WWOX: variants seen among roughly 807,000 people sequenced by gnomAD.
WWOX encodes the protein WW domain-containing oxidoreductase.
A neutral mutation model predicts 46.2 loss-of-function variants in WWOX; 69 were observed. That is an observed-to-expected ratio of 1.49 (90% confidence interval 1.23 to 1.82). The LOEUF is 1.82. Among genes scored for constraint, WWOX ranks in the 40% most tolerant of loss-of-function variants. WWOX has a pLI of 0.00. For synonymous variants in WWOX, 359 were observed against 202.6 expected (o/e 1.77, Z -6.56); for missense variants, 919 against 542.6 (o/e 1.69, Z -6.89).
chr16:78,370,496 T>C lies in WWOX; in HGVS notation c.517-16364T>C, dbSNP rs1321967926. On this transcript the variant is annotated intron_variant, in intron 5 of 8. Coordinates refer to ENST00000566780, the MANE Select transcript of WWOX (RefSeq NM_016373.4). ...ACGTATGCTGGGGGTATCTACGATG[T>C]TTTTTTTTTTGATTTTTTTATGTCA... Among the ~76,000 whole-genome samples the C allele has an allele frequency of 6.1e-3, 8 of 1,322 alleles. No homozygotes were observed. The African/African-American group carries it at 0.17, about 28-fold the overall frequency. The allele number at this position is 1,322 out of a possible 152,430, so 0.9% of individuals were successfully genotyped here.
At chr16:78,496,548 G>A (rs1184910933) in intron 8 of WWOX, 1 of 152,198 alleles carries the variant, frequency 6.6e-6, no homozygotes, top group Non-Finnish European at 1.5e-5. Flanking sequence ...ACCATTCTAT[G>A]ACCATTGAAT....
chr16:78,720,665 C>G (rs1035269331), intron 8 of WWOX, among the ~76,000 whole-genome samples: 3 of 151,932 alleles, frequency 2.0e-5, no homozygotes, highest in African/African-American at 7.3e-5. Context: ...GAGGCTCTGA[C>G]TATATAACAG....
intron 8 of WWOX, among the ~76,000 whole-genome samples, chr16:78,565,532 T>C (rs1019501278): frequency 7.9e-5 from 12 of 152,234 alleles, no homozygotes; most frequent in Non-Finnish European, 1.5e-4. Flanking sequence ...CACTCTCTTA[T>C]AAGGACCCTT....
intron 7 of WWOX, among the ~76,000 whole-genome samples, chr16:78,429,555 G>C (rs897788820): frequency 6.6e-6 from 1 of 152,112 alleles, no homozygotes; most frequent in African/African-American, 2.4e-5. Flanking sequence ...GAGAGAGGGA[G>C]GGGGTGGTGC....
chr16:78,220,160 G>C (rs2036842850), intron 5 of WWOX, among the ~76,000 whole-genome samples: 2 of 152,130 alleles, frequency 1.3e-5, no homozygotes, highest in African/African-American at 2.4e-5. Flanking sequence ...GTGGTGTCTA[G>C]AACATGTTGG....
chr16:78,784,026 GATA>G (rs1423585014), intron 8 of WWOX, among the ~76,000 whole-genome samples: 5 of 152,062 alleles, frequency 3.3e-5, no homozygotes, highest in African/African-American at 7.2e-5. Context: ...TGATGTTGAT[GATA>G]ATGATGATGA....
chr16:78,523,095 TA>T (rs1169033011), intron 8 of WWOX, among the ~76,000 whole-genome samples: 2 of 151,882 alleles, frequency 1.3e-5, no homozygotes, highest in South Asian at 2.1e-4. Flanking sequence ...AAATAAAAAT[TA>T]AAAAACCTAA....
intron 8 of WWOX, among the ~76,000 whole-genome samples, chr16:78,683,933 G>T (rs2047793435): frequency 6.6e-6 from 1 of 152,196 alleles, no homozygotes; most frequent in Non-Finnish European, 1.5e-5. Flanking sequence ...TTGGCAAGCT[G>T]AGGAAAGGAG....
At chr16:78,805,007 G>A (rs867803291) in intron 8 of WWOX, among the ~76,000 whole-genome samples, 20 of 152,198 alleles carry the variant, frequency 1.3e-4, no homozygotes, top group African/African-American at 3.1e-4. Context: ...TATTTGGGAA[G>A]CTTTGCATGA....
rs186092726 is a variant in WWOX at position 78,952,857 on chromosome 16, A to C, written c.1057-258751A>C. 7.2e-5 allele frequency among the ~76,000 whole-genome samples: 11 copies of C among 152,326 alleles called. No homozygotes were observed. The East Asian group carries it at 2.1e-3, about 29-fold the overall frequency. On this transcript the variant is annotated intron_variant, in intron 8 of 8. Coordinates refer to ENST00000566780, the MANE Select transcript of WWOX (RefSeq NM_016373.4). ...GAGTACGTGAATAAATCTGCGCTTT[A>C]GAGGCACTTGCTCAGGCTTGTGGAA...
chr16:78,827,029 C>T (rs1398290155), intron 8 of WWOX, among the ~76,000 whole-genome samples: 1 of 152,122 alleles, frequency 6.6e-6, no homozygotes, highest in South Asian at 2.1e-4. Context: ...TTCCTGCCCC[C>T]ACATGTTATA....
chr16:78,512,166 G>A (rs891229194), intron 8 of WWOX, among the ~76,000 whole-genome samples: 1 of 152,116 alleles, frequency 6.6e-6, no homozygotes, highest in Non-Finnish European at 1.5e-5. Flanking sequence ...CAGCCCTGTG[G>A]TGTTTCCTCA....
At chr16:78,946,969 G>A (rs748953815) in intron 8 of WWOX, among the ~76,000 whole-genome samples, 6 of 152,208 alleles carry the variant, frequency 3.9e-5, no homozygotes, top group African/African-American at 7.2e-5. Context: ...GGTATCGCAC[G>A]CAGGCATTAA....
At chr16:79,040,229 C>G (rs1352675865) in intron 8 of WWOX, among the ~76,000 whole-genome samples, 2 of 151,298 alleles carry the variant, frequency 1.3e-5, no homozygotes, top group East Asian at 1.9e-4. Flanking sequence ...CTCAAAGAGC[C>G]AAGTCCCACA....
intron 8 of WWOX, among the ~76,000 whole-genome samples, chr16:79,063,238 G>A (rs2048385368): frequency 6.6e-6 from 1 of 152,146 alleles, no homozygotes; most frequent in African/African-American, 2.4e-5. Flanking sequence ...GGATAAAAAA[G>A]CAACATTCGT....
chr16:79,148,100 T>C (rs758888592), intron 8 of WWOX, among the ~76,000 whole-genome samples: 8 of 152,226 alleles, frequency 5.3e-5, no homozygotes, highest in Non-Finnish European at 1.2e-4. Flanking sequence ...TTATCAATTT[T>C]TCCTTTCATC....
chr16:78,715,348 C>T (rs1180239545), intron 8 of WWOX, among the ~76,000 whole-genome samples: 1 of 152,144 alleles, frequency 6.6e-6, no homozygotes, highest in African/African-American at 2.4e-5. Flanking sequence ...AGTTCTTCAT[C>T]CCCAGCTTTG....
chr16:78,321,313 T>C (rs1418095005), intron 5 of WWOX, among the ~76,000 whole-genome samples: 1 of 64,794 alleles, frequency 1.5e-5, no homozygotes, highest in African/African-American at 5.8e-5. Flanking sequence ...CGTATATATA[T>C]GCGTATATAT....
At chr16:78,622,403 G>A (rs745743322) in intron 8 of WWOX, among the ~76,000 whole-genome samples, 29 of 152,052 alleles carry the variant, frequency 1.9e-4, no homozygotes, top group Non-Finnish European at 3.1e-4. Context: ...TTAGTCAGGC[G>A]TGGTAGTGTA....
Sources: gnomAD v4.1 joint callset for allele counts (sites outside exome capture counted in the v4.1 genomes callset) on GRCh38, gnomAD v4.1.1 for gene constraint, MANE v1.5 for transcripts, NCBI Gene and HGNC (gene_info 2026-07-23, HGNC 2026-07-21) for gene names.